Variants in WWC2 observed in about 807,000 individuals in gnomAD.
WWC2 encodes protein WWC2.
WWC2 carries 101 observed loss-of-function variants against 138.5 expected under a neutral mutation model. The observed-to-expected ratio is 0.73, with a 90% CI of 0.62 to 0.86. The LOEUF (loss-of-function observed/expected upper bound fraction) is 0.86, where lower values mean the gene tolerates loss of function less well. WWC2 is among the 40% of genes least tolerant of loss of function. The probability of loss-of-function intolerance (pLI) is 0.00; values close to 1 mark genes in which losing one functional copy is unlikely to be tolerated. For synonymous variants in WWC2, 558 were observed against 538.4 expected (o/e 1.04, Z -0.50); for missense variants, 1,420 against 1,419.4 (o/e 1.00, Z -0.01).
chr4:183,148,331 T>C (rs1280105094), intron 1 of WWC2, among the ~76,000 whole-genome samples: 1 of 152,222 alleles, frequency 6.6e-6, no homozygotes, highest in East Asian at 1.9e-4. Flanking sequence ...TCTAGGAAGC[T>C]TGTTTAACCT....
intron 16 of WWC2, among the ~76,000 whole-genome samples, chr4:183,272,847 G>A (rs1035137160): frequency 2.0e-5 from 3 of 152,026 alleles, no homozygotes; most frequent in Admixed American, 6.6e-5. Flanking sequence ...TTATCTGTCC[G>A]TCAGCTGATG....
intron 1 of WWC2, among the ~76,000 whole-genome samples, chr4:183,128,605 G>T (rs1732833333): frequency 6.6e-6 from 1 of 152,026 alleles, no homozygotes; most frequent in African/African-American, 2.4e-5. Context: ...CTTGTTTTTT[G>T]ATTGTGTCTT....
At chr4:183,199,697 ATCT>A (rs1221212552) in intron 2 of WWC2, among the ~76,000 whole-genome samples, 13 of 152,176 alleles carry the variant, frequency 8.5e-5, no homozygotes, top group African/African-American at 2.4e-4. Context: ...GACAAAAAAA[ATCT>A]TCTTTGAAGA....
chr4:183,168,482 T>G (rs750276401), intron 1 of WWC2, among the ~76,000 whole-genome samples: 2 of 152,212 alleles, frequency 1.3e-5, no homozygotes, highest in African/African-American at 2.4e-5. Flanking sequence ...TTGTTAAATG[T>G]CAAAACTCTC....
chr4:183,144,986 T>A (rs1188900722), intron 1 of WWC2, among the ~76,000 whole-genome samples: 1 of 152,220 alleles, frequency 6.6e-6, no homozygotes, highest in East Asian at 1.9e-4. Context: ...CCTAAGGGAG[T>A]ATAGCCGTAG....
intron 9 of WWC2, among the ~76,000 whole-genome samples, chr4:183,256,513 C>G (rs576206661): frequency 6.6e-6 from 1 of 152,226 alleles, no homozygotes; most frequent in Non-Finnish European, 1.5e-5. Flanking sequence ...CTGCTCTGCT[C>G]ATTGCTGCTG....
rs188738026 is a variant in WWC2 at position 183,101,368 on chromosome 4, T to C, written c.131+1746T>C. Among the ~76,000 whole-genome samples the C allele has an allele frequency of 2.7e-4, 41 of 152,360 alleles. 1 individual carries two copies. In the East Asian group the frequency reaches 7.7e-3, roughly 29 times the overall value. ...CAAGCATGTCCTTTATTTTAAACTC[T>C]TAATGGATTAGTAATTATTATGAAC... On this transcript the variant is annotated intron_variant, in intron 1 of 22. Transcript: ENST00000403733.
At chr4:183,217,927 A>G (rs897822054) in intron 4 of WWC2, among the ~76,000 whole-genome samples, 2 of 152,172 alleles carry the variant, frequency 1.3e-5, no homozygotes, top group African/African-American at 2.4e-5. Context: ...CAGAATGAAA[A>G]AAAAAGATCA....
chr4:183,182,703 G>GAAT (rs1171746307), intron 1 of WWC2, among the ~76,000 whole-genome samples: 1 of 152,144 alleles, frequency 6.6e-6, no homozygotes, highest in East Asian at 1.9e-4. Flanking sequence ...TTATGATACA[G>GAAT]AATGTAATAA....
intron 4 of WWC2, among the ~76,000 whole-genome samples, chr4:183,229,419 A>G (rs1015117050): frequency 6.6e-5 from 10 of 151,982 alleles, no homozygotes; most frequent in Non-Finnish European, 1.0e-4. Context: ...TAATTTTGGT[A>G]CCTCTTTCTT....
chr4:183,148,745 A>T (rs550572016), intron 1 of WWC2, among the ~76,000 whole-genome samples: 1 of 152,234 alleles, frequency 6.6e-6, no homozygotes, highest in East Asian at 1.9e-4. Flanking sequence ...TTCCTATTCA[A>T]CTAGGAATTT....
chr4:183,245,423 A>G lies in WWC2; in HGVS notation c.610A>G (p.Lys204Glu), dbSNP rs748143031. Residue 204 changes from lysine (K) to glutamate (E), a missense_variant, in exon 6 of 23, where the codon AAA becomes GAA. Physicochemically the swap from Lys to Glu is moderately conservative, Grantham distance 56 (BLOSUM62 1). Coordinates refer to ENST00000403733, the MANE Select transcript of WWC2 (RefSeq NM_024949.6). ...CTTTTTCTCTTTTCACAGAATTGATAAAAAAATGTCTGGAGGCCAGAGCGG... is the reference window on the plus strand; with the variant it reads ...CTTTTTCTCTTTTCACAGAATTGATGAAAAAATGTCTGGAGGCCAGAGCGG... ...QGFETLQQIDKKMSGGQSGYE... is the reference protein window; with the variant it reads ...QGFETLQQIDEKMSGGQSGYE... 8 of 1,550,220 alleles carry G rather than the reference A, an allele frequency of 5.2e-6. No individual in the cohort carries two copies. The East Asian group carries it at 1.9e-4, about 36-fold the overall frequency.
At chr4:183,302,355 C>T (rs1240178863) in intron 21 of WWC2, among the ~76,000 whole-genome samples, 1 of 152,116 alleles carries the variant, frequency 6.6e-6, no homozygotes, top group Non-Finnish European at 1.5e-5. Flanking sequence ...TTGCCAGCAC[C>T]AGTCTTATTT....
In WWC2 at chr4:183,264,959, C is replaced by T. The variant is rs372622869; in HGVS notation, c.1910-19C>T. ...CAAATAAGACATTCTGATTAGTGCT[C>T]TCACCCTCCCCTCCATAGATGTGGA... On this transcript the variant is annotated intron_variant, in intron 11 of 22. Transcript: ENST00000403733. 2.7e-5 allele frequency: 44 copies of T among 1,606,088 alleles called. No individual in the cohort carries two copies. Among genetic ancestry groups the T allele is most frequent in the Non-Finnish European group, 3.3e-5 (39 of 1,176,138 alleles).
chr4:183,293,781 C>T (rs1738540760), intron 21 of WWC2, among the ~76,000 whole-genome samples: 1 of 152,008 alleles, frequency 6.6e-6, no homozygotes, highest in African/African-American at 2.4e-5. Context: ...TTTATTTACA[C>T]CAACCAGAAA....
chr4:183,172,556 G>GTTTTTTTTTTTTTTTTTTT (rs61599876), intron 1 of WWC2, among the ~76,000 whole-genome samples: 26 of 113,034 alleles, frequency 2.3e-4, no homozygotes, highest in Non-Finnish European at 3.7e-4. Flanking sequence ...TATGTTTCTT[G>GTTTTTTTTTTTTTTTTTTT]TTTTTTTTTT....
chr4:183,203,350 A>G (rs1158332053), intron 2 of WWC2, among the ~76,000 whole-genome samples: 3 of 151,950 alleles, frequency 2.0e-5, no homozygotes, highest in African/African-American at 4.8e-5. Flanking sequence ...AGGTACCCGC[A>G]TTATCACCCA....
intron 1 of WWC2, among the ~76,000 whole-genome samples, chr4:183,134,644 A>G (rs144810669): frequency 6.6e-6 from 1 of 152,224 alleles, no homozygotes; most frequent in East Asian, 1.9e-4. Flanking sequence ...CTCACCATGA[A>G]TTCTAGTTTG....
Position 183,315,919 on chromosome 4 carries a change from A to G in WWC2, c.*190A>G, listed in dbSNP as rs1299654287. 9.8e-6 allele frequency: 5 copies of G among 511,208 alleles called. No individual in the cohort carries two copies. Among genetic ancestry groups the G allele is most frequent in the Non-Finnish European group, 1.7e-5 (5 of 287,514 alleles). 31.7% of individuals were successfully genotyped at this position (511,208 alleles called of 1,614,324 possible). Reference sequence around the variant, plus strand: ...AAAGTACCTTGAGTGTAATTTTTATATGCTTAAAAAAGAAAAAATCATATA... The same window carrying G: ...AAAGTACCTTGAGTGTAATTTTTATGTGCTTAAAAAAGAAAAAATCATATA... On this transcript the variant is annotated 3_prime_UTR_variant, in exon 23 of 23. Coordinates refer to ENST00000403733, the MANE Select transcript of WWC2 (RefSeq NM_024949.6).
Sources: allele counts gnomAD v4.1 joint callset (sites outside exome capture counted in the v4.1 genomes callset), GRCh38; gene constraint gnomAD v4.1.1; transcripts MANE v1.5; gene names NCBI Gene and HGNC (gene_info 2026-07-23, HGNC 2026-07-21).